Variants in FSCN1 observed in about 807,000 individuals in gnomAD.
The protein encoded by FSCN1 is fascin actin-bundling protein 1.
A neutral mutation model predicts 39.7 loss-of-function variants in FSCN1; 10 were observed. That is an observed-to-expected ratio of 0.25 (90% CI 0.16 to 0.43). The LOEUF (loss-of-function observed/expected upper bound fraction) is 0.43. Ranked by LOEUF, FSCN1 falls within the 20% of genes least tolerant of loss-of-function variation. The probability of loss-of-function intolerance (pLI) is 1.00; values close to 1 mark genes in which losing one functional copy is unlikely to be tolerated. For missense variants in FSCN1, 525 were observed against 723.8 expected, an observed-to-expected ratio of 0.73 and a Z score of 3.15; for synonymous variants, 322 against 320.0, an observed-to-expected ratio of 1.01 and a Z score of -0.07.
chr7:5,594,265 C>G (rs1453338264), intron 1 of FSCN1, among the ~76,000 whole-genome samples: 1 of 152,168 alleles, frequency 6.6e-6, no homozygotes, highest in Non-Finnish European at 1.5e-5. Flanking sequence ...GGAGGTTAGC[C>G]AGGCCTTTGA....
At chr7:5,595,404 G>A (rs1329177514) in intron 1 of FSCN1, among the ~76,000 whole-genome samples, 2 of 152,226 alleles carry the variant, frequency 1.3e-5, no homozygotes, top group African/African-American at 2.4e-5. Context: ...CGCATGGCGG[G>A]CAGAGCTCCT....
chr7:5,597,248 C>T (rs958141521), intron 1 of FSCN1, among the ~76,000 whole-genome samples: 2 of 152,198 alleles, frequency 1.3e-5, no homozygotes, highest in Non-Finnish European at 2.9e-5. Flanking sequence ...GCACGCCTGT[C>T]GTCCCAGCTA....
chr7:5,603,182 T>C lies in FSCN1; in HGVS notation c.833-75T>C. 1.3e-6 allele frequency: 2 copies of C among 1,545,382 alleles called. No individual in the cohort carries two copies. The highest frequency in any genetic ancestry group is 1.8e-6 in the Non-Finnish European group (2 of 1,132,078). On this transcript the variant is annotated intron_variant, in intron 1 of 4. Coordinates refer to ENST00000382361, the MANE Select transcript of FSCN1 (RefSeq NM_003088.4). This position sits in a 1 kb window ranked among gnomAD's most constrained non-coding sequence, Gnocchi z 8.5. ...GTGTTACCTTGCGTGTGTAGTTCTG[T>C]GAGCTCAGGGCTATGGTCTGCCAGA...
chr7:5,603,440 C>A lies in FSCN1; in HGVS notation c.989+27C>A. 3 of 1,613,796 alleles carry A rather than the reference C, an allele frequency of 1.9e-6. No homozygotes were observed. The highest frequency in any genetic ancestry group is 2.5e-6 in the Non-Finnish European group (3 of 1,179,940). ...TGAGTGCCTCGCTCCCACCTGTCAC[C>A]GCCCCCACCACCTTGCCTGGGCTAC... is the stretch of plus-strand genomic sequence containing the variant. On this transcript the variant is annotated intron_variant, in intron 2 of 4. Transcript: ENST00000382361. The surrounding 1 kb of genome is among the most constrained non-coding windows in gnomAD (Gnocchi z 8.5).
At chr7:5,602,340 C>G (rs1275617645) in intron 1 of FSCN1, among the ~76,000 whole-genome samples, 1 of 151,924 alleles carries the variant, frequency 6.6e-6, no homozygotes, top group African/African-American at 2.4e-5. Context: ...GCACCCGGCC[C>G]TTTTATAAGT....
Position 5,605,842 on chromosome 7 carries a change from G to C in FSCN1, c.*368G>C, listed in dbSNP as rs1170348329. ...CGGTTGGGGGCTGGGAGCCCTGGGC[G>C]TGTAGTGTAACTGGAATCTTTTGCC... On this transcript the variant is annotated 3_prime_UTR_variant, in exon 5 of 5. Transcript: ENST00000382361. This position sits in a 1 kb window ranked among gnomAD's most constrained non-coding sequence, Gnocchi z 6.9. The C allele has an allele frequency of 5.1e-6, 1 of 195,660 alleles. No individual in the cohort carries two copies. Among genetic ancestry groups the C allele is most frequent in the Non-Finnish European group, 1.1e-5 (1 of 95,234 alleles). 12.1% of individuals were successfully genotyped at this position (195,660 alleles called of 1,614,324 possible).
At chr7:5,598,612 C>T (rs191079390) in intron 1 of FSCN1, among the ~76,000 whole-genome samples, 4 of 152,300 alleles carry the variant, frequency 2.6e-5, no homozygotes, top group South Asian at 2.1e-4. Context: ...AACCCTAGGA[C>T]GAGGCTGTGC....
At position 5,600,906 on chromosome 7, in the gene FSCN1, G is replaced by A. The variant is rs558488696; in HGVS notation, c.833-2351G>A. Among the ~76,000 whole-genome samples, 17 of 132,446 alleles carry A rather than the reference G, an allele frequency of 1.3e-4. 1 individual carries two copies. In the East Asian group the frequency reaches 3.6e-3, roughly 28 times the overall value. The allele number at this position is 132,446 out of a possible 152,430, so 86.9% of individuals were successfully genotyped here. A position where few individuals can be genotyped will look rare whatever the true frequency, so the allele number is the denominator to read the frequency against. On this transcript the variant is annotated intron_variant, in intron 1 of 4. Transcript: ENST00000382361. ...CCTGACCTCGTGATCCGCCTGCCTCGGCCTCCCAAAGTGCTGGGATTACAG... is the reference window on the plus strand; with the variant it reads ...CCTGACCTCGTGATCCGCCTGCCTCAGCCTCCCAAAGTGCTGGGATTACAG...
Position 5,602,201 on chromosome 7 carries a change from T to C in FSCN1, c.833-1056T>C, listed in dbSNP as rs541751250. On this transcript the variant is annotated intron_variant, in intron 1 of 4. Transcript: ENST00000382361. ...GATTACAGGTGTGAGCCACTGTGCC[T>C]GGCCCCTTTTTTTTTTTTTTAAGTA... is the stretch of plus-strand genomic sequence containing the variant. 2.9e-3 allele frequency among the ~76,000 whole-genome samples: 423 copies of C among 147,404 alleles called. 1 individual carries two copies. The highest frequency in any genetic ancestry group is 7.1e-3 in the African/African-American group (272 of 38,516).
chr7:5,604,058 G>C, intron 4 of FSCN1, 28 bp downstream of exon 4: 1 of 1,606,868 alleles, frequency 6.2e-7, no homozygotes, highest in Non-Finnish European at 8.5e-7. Flanking sequence ...CAGCTGCTGG[G>C]CAGGGAACCC....
chr7:5,596,004 G>A (rs1223081241), intron 1 of FSCN1, among the ~76,000 whole-genome samples: 1 of 151,852 alleles, frequency 6.6e-6, no homozygotes, highest in East Asian at 1.9e-4. Flanking sequence ...GGCTCAGCTT[G>A]GAGTTGAAAG....
At chr7:5,601,831 C>A (rs1274435265) in intron 1 of FSCN1, among the ~76,000 whole-genome samples, 3 of 150,534 alleles carry the variant, frequency 2.0e-5, no homozygotes, top group Non-Finnish European at 3.0e-5. Context: ...CAGAGCAAGA[C>A]CCTGAATCAA....
At chr7:5,601,450 G>A (rs567988555) in intron 1 of FSCN1, among the ~76,000 whole-genome samples, 2 of 152,156 alleles carry the variant, frequency 1.3e-5, no homozygotes, top group South Asian at 2.1e-4. Context: ...TGATCCACCC[G>A]CCTCAGCTTC....
Position 5,592,982 on chromosome 7 carries a change from CTCA to C in FSCN1, c.50_52del (p.Ile17del). The C allele has an allele frequency of 6.3e-7, 1 of 1,592,074 alleles. No homozygotes were observed. Among genetic ancestry groups the C allele is most frequent in the Non-Finnish European group, 8.6e-7 (1 of 1,169,436 alleles). ...CGAGGCGGTGCAGATCCAGTTCGGCCTCATCAACTGCGGCAACAAGTACCTGAC... is the reference window on the plus strand; with the variant it reads ...CGAGGCGGTGCAGATCCAGTTCGGCCTCAACTGCGGCAACAAGTACCTGAC... On this transcript the variant is annotated inframe_deletion, in exon 1 of 5. Coordinates refer to ENST00000382361, the MANE Select transcript of FSCN1 (RefSeq NM_003088.4). The surrounding 1 kb of genome is among the most constrained non-coding windows in gnomAD (Gnocchi z 5.3).
rs751661632 is a variant in FSCN1, at chr7:5,593,132, C to T, written c.196C>T (p.Leu66=). ...GSAAVCLRSH[L]GRYLAADKDG... Reference sequence around the variant, plus strand: ...CGCGGCCGTGTGCCTGCGCAGCCACCTGGGCCGCTACCTGGCGGCGGACAA... The same window carrying T: ...CGCGGCCGTGTGCCTGCGCAGCCACTTGGGCCGCTACCTGGCGGCGGACAA... Residue 66 remains leucine (L), a synonymous_variant, in exon 1 of 5, where the codon CTG becomes TTG. Coordinates refer to ENST00000382361, the MANE Select transcript of FSCN1 (RefSeq NM_003088.4). 2.5e-6 allele frequency: 4 copies of T among 1,603,934 alleles called. No homozygotes were observed. The highest frequency in any genetic ancestry group is 2.2e-5 in the East Asian group (1 of 44,544).
In FSCN1 at chr7:5,592,923, C is replaced by T. The variant is rs747157702; in HGVS notation, c.-14C>T. Reference sequence around the variant, plus strand: ...CTCCCGGGGCCGCGCAGCGGCCTCTCGTCTACTGCCACCATGACCGCCAAC... The same window carrying T: ...CTCCCGGGGCCGCGCAGCGGCCTCTTGTCTACTGCCACCATGACCGCCAAC... On this transcript the variant is annotated 5_prime_UTR_variant, in exon 1 of 5. Coordinates refer to ENST00000382361, the MANE Select transcript of FSCN1 (RefSeq NM_003088.4). The surrounding 1 kb of genome is among the most constrained non-coding windows in gnomAD (Gnocchi z 5.3). 4 of 1,470,538 alleles carry T rather than the reference C, an allele frequency of 2.7e-6. No homozygotes were observed. The highest frequency in any genetic ancestry group is 2.7e-5 in the South Asian group (2 of 73,532). 91.1% of individuals were successfully genotyped at this position (1,470,538 alleles called of 1,614,324 possible). A position where few individuals can be genotyped will look rare whatever the true frequency, so the allele number is the denominator to read the frequency against.
Position 5,605,013 on chromosome 7 carries a change from T to C in FSCN1, c.1280-259T>C, listed in dbSNP as rs1785907282. ...GGCTCGAACTCCTGACCTCAAGTGA[T>C]CCGCCCACCTCAGCCTCCCAAAGTG... On this transcript the variant is annotated intron_variant, in intron 4 of 4. Transcript: ENST00000382361. This position sits in a 1 kb window ranked among gnomAD's most constrained non-coding sequence, Gnocchi z 6.9. Among the ~76,000 whole-genome samples the C allele has an allele frequency of 6.6e-6, 1 of 152,172 alleles. No homozygotes were observed. The highest frequency in any genetic ancestry group is 2.4e-5 in the African/African-American group (1 of 41,426).
chr7:5,596,823 G>A (rs1360145118), intron 1 of FSCN1, among the ~76,000 whole-genome samples: 1 of 152,210 alleles, frequency 6.6e-6, no homozygotes, highest in Non-Finnish European at 1.5e-5. Flanking sequence ...GCTTGTATAA[G>A]GATGCAGAGG....
At chr7:5,595,658 G>A (rs1785717578) in intron 1 of FSCN1, among the ~76,000 whole-genome samples, 1 of 152,206 alleles carries the variant, frequency 6.6e-6, no homozygotes, top group Non-Finnish European at 1.5e-5. Flanking sequence ...TGTCTCCTGT[G>A]CAAAGGTCTT....
Sources: allele counts gnomAD v4.1 joint callset (sites outside exome capture counted in the v4.1 genomes callset), GRCh38; gene constraint gnomAD v4.1.1; non-coding constraint Gnocchi (gnomAD v3.1); transcripts MANE v1.5; gene names NCBI Gene and HGNC (gene_info 2026-07-23, HGNC 2026-07-21).